Variants in SIPA1L3 observed in about 807,000 individuals in gnomAD.
SIPA1L3 encodes signal induced proliferation associated 1 like 3.
A neutral mutation model predicts 150.1 loss-of-function variants in SIPA1L3; 59 were observed. That is an observed-to-expected ratio of 0.39 (90% confidence interval 0.32 to 0.49). The LOEUF (loss-of-function observed/expected upper bound fraction) is 0.49, where lower values mean the gene tolerates loss of function less well. Among genes scored for constraint, SIPA1L3 ranks in the 20% least tolerant of loss-of-function variants. SIPA1L3 has a pLI of 0.86. For missense variants in SIPA1L3, 2,211 were observed against 2,489.5 expected (o/e 0.89, Z 2.38); for synonymous variants, 1,070 against 1,077.6 (o/e 0.99, Z 0.14).
intron 2 of SIPA1L3, among the ~76,000 whole-genome samples, chr19:38,069,640 G>T (rs1472367093): frequency 6.6e-6 from 1 of 152,080 alleles, no homozygotes; most frequent in Non-Finnish European, 1.5e-5. Flanking sequence ...GGAGTGGGGT[G>T]TGGACAGATA....
chr19:38,076,581 A>C lies in SIPA1L3; in HGVS notation c.-310-4675A>C, dbSNP rs538366637. Among the ~76,000 whole-genome samples, 4 of 152,340 alleles carry C rather than the reference A, an allele frequency of 2.6e-5. 1 individual carries two copies. The South Asian group carries it at 8.3e-4, about 32-fold the overall frequency. ...AAATGATCCCTAGAGGTTCTCACCT[A>C]GTTTTCATCGTGTTTAGTGCAATAC... On this transcript the variant is annotated intron_variant, in intron 2 of 21. Transcript: ENST00000222345.
intron 1 of SIPA1L3, among the ~76,000 whole-genome samples, chr19:37,939,886 G>T (rs181570503): frequency 5.3e-5 from 8 of 152,322 alleles, no homozygotes; most frequent in Non-Finnish European, 2.9e-5. Context: ...GCTGAAAGGA[G>T]CCATCAGACA....
At position 38,141,017 on chromosome 19, in the gene SIPA1L3, C is replaced by T. The variant is rs955628684; in HGVS notation, c.3144-167C>T. 4.9e-4 allele frequency among the ~76,000 whole-genome samples: 72 copies of T among 145,698 alleles called. 1 individual carries two copies. Among genetic ancestry groups the T allele is most frequent in the African/African-American group, 1.6e-3 (63 of 38,926 alleles). On this transcript the variant is annotated intron_variant, in intron 10 of 21. Coordinates refer to ENST00000222345, the MANE Select transcript of SIPA1L3 (RefSeq NM_015073.3). ...AGGTTGCAGTGAGCCAACATCATGCCGCTGTACTCCAGCCTGGGCGACAAA... is the reference window on the plus strand; with the variant it reads ...AGGTTGCAGTGAGCCAACATCATGCTGCTGTACTCCAGCCTGGGCGACAAA...
intron 4 of SIPA1L3, among the ~76,000 whole-genome samples, chr19:38,089,139 G>A (rs1021387620): frequency 1.3e-5 from 2 of 151,890 alleles, no homozygotes; most frequent in African/African-American, 4.8e-5. Flanking sequence ...GACCAACATG[G>A]CGAAACCCCA....
chr19:38,036,274 T>C (rs855607), intron 2 of SIPA1L3, among the ~76,000 whole-genome samples: 112,287 of 152,218 alleles, frequency 0.74, 42,160 homozygotes, highest in Admixed American at 0.83. Flanking sequence ...GGAGGGAAGG[T>C]TGTCAGCCCG....
At chr19:38,084,669 CTG>C (rs1430134204) in intron 3 of SIPA1L3, among the ~76,000 whole-genome samples, 3 of 126,536 alleles carry the variant, frequency 2.4e-5, no homozygotes, top group Admixed American at 9.3e-5. Context: ...CAGTCTCGCT[CTG>C]TCGCCTCGCC....
chr19:38,207,311 C>G lies in SIPA1L3; in HGVS notation c.*1071C>G, dbSNP rs902370186. 6.6e-6 allele frequency: 1 copy of G among 151,688 alleles called. No individual in the cohort carries two copies. Among genetic ancestry groups the G allele is most frequent in the Non-Finnish European group, 1.5e-5 (1 of 67,938 alleles). 9.4% of individuals were successfully genotyped at this position (151,688 alleles called of 1,614,324 possible). A position where few individuals can be genotyped will look rare whatever the true frequency, so the allele number is the denominator to read the frequency against. On this transcript the variant is annotated 3_prime_UTR_variant, in exon 22 of 22. Coordinates refer to ENST00000222345, the MANE Select transcript of SIPA1L3 (RefSeq NM_015073.3). ...CGGGGAGCACTGCACCCCGCGAACC[C>G]CACTGGACGCTGGTTCTCTAAAGGC...
At chr19:37,941,482 TCAAATCTTCCTTG>T (rs2046657755) in intron 1 of SIPA1L3, among the ~76,000 whole-genome samples, 1 of 150,932 alleles carries the variant, frequency 6.6e-6, no homozygotes, top group Non-Finnish European at 1.5e-5. Flanking sequence ...CTGCAGAGAT[TCAAATCTTCCTTG>T]TTTTTATGTT....
At chr19:38,063,662 G>A (rs1969504276) in intron 2 of SIPA1L3, among the ~76,000 whole-genome samples, 1 of 152,108 alleles carries the variant, frequency 6.6e-6, no homozygotes, top group Admixed American at 6.5e-5. Context: ...CCTGGAGGAG[G>A]GCGCGTACTA....
intron 1 of SIPA1L3, among the ~76,000 whole-genome samples, chr19:37,992,479 C>T (rs1217224946): frequency 2.6e-5 from 4 of 151,884 alleles, no homozygotes; most frequent in African/African-American, 7.3e-5. Context: ...GGCGAGACCC[C>T]GTCTCTATTA....
chr19:38,057,339 C>T (rs896880192), intron 2 of SIPA1L3, among the ~76,000 whole-genome samples: 12 of 150,400 alleles, frequency 8.0e-5, no homozygotes, highest in African/African-American at 2.4e-4. Flanking sequence ...CACACACACA[C>T]GTATATATAT....
chr19:38,130,650 A>G lies in SIPA1L3; in HGVS notation c.3021A>G (p.Leu1007=), dbSNP rs770617865. 1 of 1,613,806 alleles carries G rather than the reference A, an allele frequency of 6.2e-7. No homozygotes were observed. Among genetic ancestry groups the G allele is most frequent in the Non-Finnish European group, 8.5e-7 (1 of 1,180,030 alleles). Residue 1007 remains leucine, a synonymous_variant, in exon 10 of 22, where the codon CTA becomes CTG. Transcript: ENST00000222345. ...CCGGCCTCCGGCAGGGCAGCCGACT[A>G]GTGGAGATCTGCAAGGTGGCCGTGG... is the stretch of plus-strand genomic sequence containing the variant. The part of the protein sequence containing the change: ...WQAGLRQGSR[L]VEICKVAVVT...
intron 2 of SIPA1L3, among the ~76,000 whole-genome samples, chr19:38,043,176 C>G (rs774843460): frequency 2.0e-5 from 3 of 152,054 alleles, no homozygotes; most frequent in Non-Finnish European, 4.4e-5. Context: ...CCCATCTCTA[C>G]TAAAAATACA....
chr19:37,938,919 G>A (rs1010305299), intron 1 of SIPA1L3, among the ~76,000 whole-genome samples: 6 of 151,982 alleles, frequency 3.9e-5, no homozygotes, highest in Non-Finnish European at 5.9e-5. Flanking sequence ...CACAGTGCCC[G>A]GCCACTTTTG....
At chr19:38,007,034 C>T (rs1005893727) in intron 1 of SIPA1L3, among the ~76,000 whole-genome samples, 2 of 152,140 alleles carry the variant, frequency 1.3e-5, no homozygotes, top group South Asian at 2.1e-4. Context: ...AGCAGGAAAA[C>T]GAAAAGAACG....
chr19:38,082,824 G>A lies in SIPA1L3; in HGVS notation c.1259G>A (p.Ser420Asn), dbSNP rs747408163. The A allele has an allele frequency of 1.9e-6, 3 of 1,613,668 alleles. No homozygotes were observed. The highest frequency in any genetic ancestry group is 2.5e-6 in the Non-Finnish European group (3 of 1,179,924). The stretch of plus-strand genomic sequence containing the variant: ...GAGCAGGACCTCGGCGATGACAACA[G>A]CAACGACCTGCTGCTCAGCTGCCCG... ...NLEQDLGDDN[S>N]NDLLLSCPHF... Residue 420 changes from serine to asparagine, a missense_variant, in exon 3 of 22, where the codon AGC (serine) becomes AAC (asparagine). Transcript: ENST00000222345.
intron 10 of SIPA1L3, among the ~76,000 whole-genome samples, chr19:38,140,273 G>T (rs1178776578): frequency 1.3e-5 from 2 of 152,212 alleles, no homozygotes; most frequent in Admixed American, 1.3e-4. Flanking sequence ...TGGCAGTGGA[G>T]AATGCCAGCC....
At chr19:38,000,909 T>A (rs200744299) in intron 1 of SIPA1L3, among the ~76,000 whole-genome samples, 1 of 35,490 alleles carries the variant, frequency 2.8e-5, no homozygotes, top group Non-Finnish European at 5.1e-5. Flanking sequence ...TATATATATA[T>A]AACATATATA....
intron 1 of SIPA1L3, among the ~76,000 whole-genome samples, chr19:37,918,322 C>T (rs182417254): frequency 2.6e-5 from 4 of 151,570 alleles, no homozygotes; most frequent in African/African-American, 9.7e-5. Flanking sequence ...TGCAGTGGCG[C>T]GATCTTGGCT....
Sources: gnomAD v4.1 joint callset for allele counts (sites outside exome capture counted in the v4.1 genomes callset) on GRCh38, gnomAD v4.1.1 for gene constraint, MANE v1.5 for transcripts, NCBI Gene and HGNC (gene_info 2026-07-23, HGNC 2026-07-21) for gene names.